The following MYO1F variants were observed in gnomAD, a reference collection of about 807,000 sequenced individuals.
MYO1F encodes the protein unconventional myosin-If.
In MYO1F, 60 loss-of-function variants were observed where a neutral mutation model predicts 146.6. The observed-to-expected ratio is 0.41, with a 90% confidence interval of 0.33 to 0.51. The LOEUF (loss-of-function observed/expected upper bound fraction) is 0.51, where lower values mean the gene tolerates loss of function less well. Among genes scored for constraint, MYO1F ranks in the 20% least tolerant of loss-of-function variants. The pLI is 0.25. For missense variants in MYO1F, 1,274 were observed against 1,534.3 expected, an observed-to-expected ratio of 0.83 and a Z score of 2.83; for synonymous variants, 602 against 602.1, an observed-to-expected ratio of 1.00 and a Z score of 0.00.
At chr19:8,545,425 G>C (rs551088499) in intron 13 of MYO1F, 3 of 554,762 alleles carry the variant, frequency 5.4e-6, no homozygotes, top group East Asian at 6.5e-5. Context: ...TGGGGTTCCC[G>C]GGGAAATGTT....
At chr19:8,574,577 TTCTC>T (rs369077601) in intron 1 of MYO1F, among the ~76,000 whole-genome samples, 17 of 79,792 alleles carry the variant, frequency 2.1e-4, no homozygotes, top group African/African-American at 9.0e-4. Flanking sequence ...CTTTCTTTCT[TTCTC>T]TCTCTCTCTC....
rs762561417 is a variant in MYO1F at position 8,530,295 on chromosome 19, G to A, written c.2229C>T (p.Tyr743=). Residue 743 remains tyrosine, a synonymous_variant, in exon 21 of 28, where the codon TAC becomes TAT. Coordinates refer to ENST00000644032, the MANE Select transcript of MYO1F (RefSeq NM_012335.4). The surrounding 1 kb of genome is among the most constrained non-coding windows in gnomAD (Gnocchi z 5.8). The stretch of plus-strand genomic sequence containing the variant: ...GCTCGGGCCGCTCCTCCAGCCCCAG[G>A]TAGTCCCCGACGAAGTTCCGATTGA... ...NSINRNFVGD[Y]LGLEERPELR... 80 of 1,614,008 alleles carry A rather than the reference G, an allele frequency of 5.0e-5. No individual in the cohort carries two copies. Among genetic ancestry groups the A allele is most frequent in the Admixed American group, 1.7e-4 (10 of 59,984 alleles).
At chr19:8,527,165 G>A (rs1425957044) in intron 22 of MYO1F, among the ~76,000 whole-genome samples, 173 bp downstream of exon 22, 2 of 152,064 alleles carry the variant, frequency 1.3e-5, no homozygotes, top group African/African-American at 4.8e-5. Context: ...GAAGGATTTG[G>A]CATCTAAGGA....
intron 15 of MYO1F, among the ~76,000 whole-genome samples, chr19:8,541,052 C>T (rs1404549598): frequency 2.7e-5 from 4 of 150,778 alleles, no homozygotes; most frequent in South Asian, 2.1e-4. Flanking sequence ...GGTGCAATCA[C>T]GGCTCACTGT....
Position 8,537,052 on chromosome 19 carries a change from GT to G in MYO1F, c.1695del (p.Lys565AsnfsTer10). 6.2e-7 allele frequency: 1 copy of G among 1,610,008 alleles called. No homozygotes were observed. Among genetic ancestry groups the G allele is most frequent in the Non-Finnish European group, 8.5e-7 (1 of 1,178,092 alleles). Reference protein sequence around the residue: ...RPSTAGSKIKKQANDLVATLM... With the variant: ...RPSTAGSKIKXQANDLVATLM... ...AGTGTGGCCACCAGGTCGTTGGCTT[GT>G]TTCTGAGGCAGAAGTGAAGACGGGT... On this transcript the variant is annotated frameshift_variant and splice_region_variant, in exon 17 of 28. Transcript: ENST00000644032. LOFTEE classifies it high-confidence loss of function.
Position 8,554,505 on chromosome 19 carries a change from C to T in MYO1F, c.298G>A (p.Asp100Asn), listed in dbSNP as rs1973760474. The T allele has an allele frequency of 4.3e-6, 7 of 1,612,770 alleles. No individual in the cohort carries two copies. Among genetic ancestry groups the T allele is most frequent in the Non-Finnish European group, 5.9e-6 (7 of 1,179,152 alleles). ...TDNMYRNMLI[D>N]CENQCVIISG... The stretch of plus-strand genomic sequence containing the variant: ...ATGATGACACACTGGTTCTCACAGT[C>T]GATAAGCATGTTCCGGTACATGTTG... The change falls in exon 4 of 28, where the codon GAC becomes AAC. Residue 100 changes from aspartate to asparagine, a missense_variant. Asp to Asn is a conservative substitution (Grantham distance 23). Around this residue, in one of 2 missense-constraint regions of MYO1F, gnomAD observed 900 missense variants for 1,155.1 expected, o/e 0.78. Coordinates refer to ENST00000644032, the MANE Select transcript of MYO1F (RefSeq NM_012335.4).
At chr19:8,523,159 G>A (rs1317980336) in intron 25 of MYO1F, among the ~76,000 whole-genome samples, 3 of 151,390 alleles carry the variant, frequency 2.0e-5, no homozygotes. Context: ...AGCCTCCCGA[G>A]TAGCTGGGAC....
chr19:8,525,516 G>C lies in MYO1F; in HGVS notation c.2817C>G (p.Ser939=). 6.2e-7 allele frequency: 1 copy of C among 1,613,530 alleles called. No individual in the cohort carries two copies. The highest frequency in any genetic ancestry group is 1.1e-5 in the South Asian group (1 of 91,086). ...GMAKGKPRRS[S]QAPTRAAPAP... is the part of the protein sequence containing the mutation. ...CAGGGGCCGCCCGGGTAGGGGCTTG[G>C]GACGACCTCCGAGGTTTTCCCTTGG... Residue 939 remains serine, a synonymous_variant, in exon 25 of 28, where the codon TCC becomes TCG. Transcript: ENST00000644032.
rs776066516 is a variant in MYO1F, at chr19:8,541,894, G to C, written c.1610+12C>G. On this transcript the variant is annotated intron_variant, in intron 15 of 27. Transcript: ENST00000644032. The stretch of plus-strand genomic sequence containing the variant: ...GTTGTAGCCGGAGGTCCCCATGCCT[G>C]GGACCACTCACTGCTCACTGGTCTG... The C allele has an allele frequency of 6.2e-7, 1 of 1,611,288 alleles. No homozygotes were observed. The highest frequency in any genetic ancestry group is 1.1e-5 in the South Asian group (1 of 91,034).
At chr19:8,547,146 A>C (rs1973393563) in intron 12 of MYO1F, among the ~76,000 whole-genome samples, 1 of 151,916 alleles carries the variant, frequency 6.6e-6, no homozygotes, top group Non-Finnish European at 1.5e-5. Flanking sequence ...AAAAAGTTTT[A>C]AAATATTAGC....
In MYO1F at chr19:8,536,173, C is replaced by CTT. The variant is rs1170359238; in HGVS notation, c.2043+78_2043+79insAA. ...TCAATCTCTGTCTCCCTCTGTCTCTCTCTCTCTCTCTCAGTCCCTCTCTAT... is the reference window on the plus strand; with the variant it reads ...TCAATCTCTGTCTCCCTCTGTCTCTCTTTCTCTCTCTCTCAGTCCCTCTCTAT... On this transcript the variant is annotated intron_variant, in intron 19 of 27. Coordinates refer to ENST00000644032, the MANE Select transcript of MYO1F (RefSeq NM_012335.4). The CTT allele has an allele frequency of 2.0e-6, 3 of 1,527,304 alleles. No individual in the cohort carries two copies. The African/African-American group carries it at 4.1e-5, about 21-fold the overall frequency. 94.6% of individuals were successfully genotyped at this position (1,527,304 alleles called of 1,614,324 possible). A position where few individuals can be genotyped will look rare whatever the true frequency, so the allele number is the denominator to read the frequency against.
chr19:8,536,322 C>T lies in MYO1F; in HGVS notation c.1973G>A (p.Arg658Gln), dbSNP rs200911217. The change falls in exon 19 of 28, where the codon CGG becomes CAG. Residue 658 changes from arginine to glutamine, a missense_variant. By Grantham distance (43) the Arg-to-Gln change is conservative. Coordinates refer to ENST00000644032, the MANE Select transcript of MYO1F (RefSeq NM_012335.4). ...DERQGVQHLL[R>Q]AVNMEPDQYQ... ...CTGGTCGGGCTCCATGTTGACCGCCCGAAGCAGGTGCTGGACGCCCTGGCG... is the reference window on the plus strand; with the variant it reads ...CTGGTCGGGCTCCATGTTGACCGCCTGAAGCAGGTGCTGGACGCCCTGGCG... The T allele has an allele frequency of 2.4e-5, 39 of 1,608,062 alleles. No individual in the cohort carries two copies. The highest frequency in any genetic ancestry group is 8.9e-5 in the East Asian group (4 of 44,778).
Position 8,540,004 on chromosome 19 carries a change from G to C in MYO1F, c.1635C>G (p.Pro545=). The C allele has an allele frequency of 1.2e-6, 2 of 1,612,142 alleles. No individual in the cohort carries two copies. Among genetic ancestry groups the C allele is most frequent in the Non-Finnish European group, 1.7e-6 (2 of 1,178,866 alleles). Reference sequence around the variant, plus strand: ...CCTTCTTGTCTCCATCCAGCTTCTCGGGGAAGAGCATCCGGAGGAAGGCCC... The same window carrying C: ...CCTTCTTGTCTCCATCCAGCTTCTCCGGGAAGAGCATCCGGAGGAAGGCCC... The part of the protein sequence containing the change: ...SEQAFLRMLF[P]EKLDGDKKGR... Residue 545 remains proline, a synonymous_variant, in exon 16 of 28, where the codon CCC becomes CCG. Transcript: ENST00000644032.
intron 1 of MYO1F, among the ~76,000 whole-genome samples, chr19:8,560,360 C>T (rs1013607377): frequency 1.3e-5 from 2 of 151,676 alleles, no homozygotes; most frequent in Non-Finnish European, 2.9e-5. Context: ...GGGTGCGCGC[C>T]TGTAATCCCA....
rs373905703 is a variant in MYO1F at position 8,522,562 on chromosome 19, G to A, written c.3051-16C>T. On this transcript the variant is annotated splice_polypyrimidine_tract_variant and intron_variant, in intron 26 of 27. Coordinates refer to ENST00000644032, the MANE Select transcript of MYO1F (RefSeq NM_012335.4). ...CCTCTGCATGCTGTGGGCACAGGGG[G>A]TTTGAGTCACAGCCCCAGACACTCC... 1,575 of 1,609,872 alleles carry A rather than the reference G, an allele frequency of 9.8e-4. 2 individuals are homozygous for A. Among genetic ancestry groups the A allele is most frequent in the Non-Finnish European group, 1.2e-3 (1,459 of 1,178,566 alleles).
intron 1 of MYO1F, among the ~76,000 whole-genome samples, chr19:8,559,994 G>A (rs1396228953): frequency 2.0e-5 from 3 of 150,832 alleles, no homozygotes; most frequent in African/African-American, 7.3e-5. Context: ...CACTCAGCGA[G>A]CACCTATGCT....
Position 8,526,904 on chromosome 19 carries a change from C to G in MYO1F, c.2506G>C (p.Glu836Gln). ...TRQDDFFILQ[E>Q]DAADSFLESV... Reference sequence around the variant, plus strand: ...TCCAGGAAGCTGTCGGCGGCATCCTCTTGGAGGATGAAGAAGTCGTCCTGT... The same window carrying G: ...TCCAGGAAGCTGTCGGCGGCATCCTGTTGGAGGATGAAGAAGTCGTCCTGT... The change falls in exon 23 of 28, where the codon GAG becomes CAG. Residue 836 changes from glutamate to glutamine, a missense_variant. Coordinates refer to ENST00000644032, the MANE Select transcript of MYO1F (RefSeq NM_012335.4). 1 of 1,613,990 alleles carries G rather than the reference C, an allele frequency of 6.2e-7. No homozygotes were observed. Among genetic ancestry groups the G allele is most frequent in the East Asian group, 2.2e-5 (1 of 44,866 alleles).
intron 1 of MYO1F, among the ~76,000 whole-genome samples, chr19:8,574,577 T>TTCTTTCTCTCTCTCTC (rs1335184271): frequency 1.3e-5 from 1 of 79,754 alleles, no homozygotes; most frequent in African/African-American, 5.6e-5. Context: ...CTTTCTTTCT[T>TTCTTTCTCTCTCTCTC]TCTCTCTCTC....
chr19:8,544,403 C>T lies in MYO1F; in HGVS notation c.1418G>A (p.Gly473Glu), dbSNP rs768444812. ...DVCATMHATG[G>E]GADQTLLQKL... ...CTGCAGCAGTGTCTGGTCTGCTCCC[C>T]CGCCCGTGGCGTGCATGGTGGCGCA... Residue 473 changes from glycine to glutamate, a missense_variant, in exon 14 of 28, where the codon GGG becomes GAG. Around this residue, in one of 2 missense-constraint regions of MYO1F, gnomAD observed 900 missense variants for 1,155.1 expected, o/e 0.78. Coordinates refer to ENST00000644032, the MANE Select transcript of MYO1F (RefSeq NM_012335.4). The T allele has an allele frequency of 1.9e-6, 3 of 1,612,832 alleles. No homozygotes were observed. Among genetic ancestry groups the T allele is most frequent in the African/African-American group, 2.7e-5 (2 of 74,888 alleles).
Sources: gnomAD v4.1 joint callset for allele counts (sites outside exome capture counted in the v4.1 genomes callset) on GRCh38, gnomAD v4.1.1 for gene constraint, gnomAD v4.1.1 regional missense constraint, Gnocchi (gnomAD v3.1) non-coding constraint, MANE v1.5 for transcripts, NCBI Gene and HGNC (gene_info 2026-07-23, HGNC 2026-07-21) for gene names.